The following NDST1 variants were observed in gnomAD, a reference collection of about 807,000 sequenced individuals.
NDST1 encodes the protein bifunctional heparan sulfate N-deacetylase/N-sulfotransferase 1.
NDST1 carries 35 observed loss-of-function variants against 92.8 expected under a neutral mutation model. The ratio of observed to expected loss-of-function variants is 0.38; its 90% confidence interval spans 0.29 to 0.50. NDST1 has a LOEUF of 0.50. Among genes scored for constraint, NDST1 ranks in the 20% least tolerant of loss-of-function variants. The pLI, the probability that NDST1 is intolerant of heterozygous loss-of-function variation, is 0.94. For missense variants in NDST1, 822 were observed against 1,182.7 expected (o/e 0.69, Z 4.47); for synonymous variants, 493 against 500.3 (o/e 0.99, Z 0.19).
intron 12 of NDST1, among the ~76,000 whole-genome samples, chr5:150,549,168 C>T (rs369378634): frequency 5.3e-5 from 8 of 152,168 alleles, no homozygotes; most frequent in Non-Finnish European, 7.3e-5. Flanking sequence ...TGCACCACCA[C>T]GCCCAGATAA....
chr5:150,523,808 G>A (rs1754349452), intron 2 of NDST1, among the ~76,000 whole-genome samples: 1 of 152,286 alleles, frequency 6.6e-6, no homozygotes, highest in African/African-American at 2.4e-5. Flanking sequence ...GGAGGGGTGC[G>A]GGCATGTTCA....
At position 150,553,163 on chromosome 5, in the gene NDST1, G is replaced by A. The variant is rs1464442235; in HGVS notation, c.2530-50G>A. ...GCCGAGCATGGCGATTTTTAGAGGAGGTCACTCTTAAGTCAGTACACAAGG... is the reference window on the plus strand; with the variant it reads ...GCCGAGCATGGCGATTTTTAGAGGAAGTCACTCTTAAGTCAGTACACAAGG... On this transcript the variant is annotated intron_variant, in intron 14 of 14. Coordinates refer to ENST00000261797, the MANE Select transcript of NDST1 (RefSeq NM_001543.5). This position sits in a 1 kb window ranked among gnomAD's most constrained non-coding sequence, Gnocchi z 4.2. The A allele has an allele frequency of 6.3e-7, 1 of 1,599,040 alleles. No homozygotes were observed. Among genetic ancestry groups the A allele is most frequent in the South Asian group, 1.1e-5 (1 of 90,600 alleles).
intron 1 of NDST1, among the ~76,000 whole-genome samples, chr5:150,500,605 C>G (rs1157412245): frequency 1.3e-5 from 2 of 152,204 alleles, no homozygotes; most frequent in Non-Finnish European, 2.9e-5. Flanking sequence ...CATTAGGGAA[C>G]AGGTCAGGAG....
intron 1 of NDST1, among the ~76,000 whole-genome samples, chr5:150,513,897 C>T (rs531332242): frequency 2.6e-5 from 4 of 152,368 alleles, no homozygotes; most frequent in Admixed American, 1.3e-4. Flanking sequence ...GCAGTGGCCA[C>T]GGTTACCGTG....
rs147738184 is a variant in NDST1, at chr5:150,524,117, C to G, written c.513+2350C>G. On this transcript the variant is annotated intron_variant, in intron 2 of 14. Coordinates refer to ENST00000261797, the MANE Select transcript of NDST1 (RefSeq NM_001543.5). Reference sequence around the variant, plus strand: ...GAGAGCAGGGACTTAAAAGTCCAGACAGGTTCAAATCTCTCTGTCATTTAG... The same window carrying G: ...GAGAGCAGGGACTTAAAAGTCCAGAGAGGTTCAAATCTCTCTGTCATTTAG... 4.4e-3 allele frequency among the ~76,000 whole-genome samples: 677 copies of G among 152,278 alleles called. 6 individuals carry two copies. Among genetic ancestry groups the G allele is most frequent in the African/African-American group, 0.015 (630 of 41,546 alleles).
chr5:150,545,976 A>G (rs1755460918), intron 11 of NDST1, among the ~76,000 whole-genome samples: 1 of 143,612 alleles, frequency 7.0e-6, no homozygotes, highest in African/African-American at 2.5e-5. Flanking sequence ...TGGGGCATGT[A>G]TGAACCAGAG....
rs1270664434 is a variant in NDST1 at position 150,550,468 on chromosome 5, CTG to C, written c.2426+682_2426+683del. 4 of 154,412 alleles carry C rather than the reference CTG, an allele frequency of 2.6e-5. No homozygotes were observed. The East Asian group carries it at 7.7e-4, about 30-fold the overall frequency. 9.6% of individuals were successfully genotyped at this position (154,412 alleles called of 1,614,324 possible). On this transcript the variant is annotated intron_variant, in intron 13 of 14. Transcript: ENST00000261797. ...GTTAATAACCGTACTCACTCAGAAC[CTG>C]GTGCAAGTGCGTTGAGAATGCCCTC...
upstream of NDST1, among the ~76,000 whole-genome samples, chr5:150,505,887 C>T (rs184879418): frequency 6.6e-6 from 1 of 152,100 alleles, no homozygotes; most frequent in African/African-American, 2.4e-5. Context: ...TTCCAGCAAT[C>T]CTCCTACCTC....
intron 2 of NDST1, among the ~76,000 whole-genome samples, chr5:150,526,253 G>A (rs1478760046): frequency 6.6e-6 from 1 of 152,168 alleles, no homozygotes; most frequent in African/African-American, 2.4e-5. Flanking sequence ...CCTCTGTGTA[G>A]CATGTGCCAC....
intron 12 of NDST1, 150 bp downstream of exon 12, chr5:150,548,538 A>G: frequency 1.2e-6 from 1 of 804,158 alleles, no homozygotes; most frequent in Non-Finnish European, 1.9e-6. Context: ...AGATTTTATT[A>G]TTATTATTAT....
intron 12 of NDST1, among the ~76,000 whole-genome samples, chr5:150,548,676 A>G (rs1288317067): frequency 6.6e-6 from 1 of 152,034 alleles, no homozygotes; most frequent in Non-Finnish European, 1.5e-5. Flanking sequence ...AGCTGGGACT[A>G]CAGGTGTGAG....
chr5:150,520,343 C>A (rs1332232390), intron 1 of NDST1, among the ~76,000 whole-genome samples: 1 of 25,578 alleles, frequency 3.9e-5, no homozygotes, highest in Non-Finnish European at 7.0e-5. Flanking sequence ...AATGAAAAGA[C>A]TGATGGAGAC....
rs1755825621 is a variant in NDST1 at position 150,554,332 on chromosome 5, G to A, written c.*1000G>A. 8.4e-6 allele frequency: 1 copy of A among 119,462 alleles called. No homozygotes were observed. The highest frequency in any genetic ancestry group is 4.4e-5 in the African/African-American group (1 of 22,872). The allele number at this position is 119,462 out of a possible 1,614,324, so 7.4% of individuals were successfully genotyped here. A position where few individuals can be genotyped will look rare whatever the true frequency, so the allele number is the denominator to read the frequency against. ...ATACCCTGGGTGCTGGGGTCGCACT[G>A]TGTTATATATATATATATATATATA... On this transcript the variant is annotated 3_prime_UTR_variant, in exon 15 of 15. Coordinates refer to ENST00000261797, the MANE Select transcript of NDST1 (RefSeq NM_001543.5).
intron 6 of NDST1, among the ~76,000 whole-genome samples, chr5:150,537,361 C>T (rs1480181118): frequency 5.3e-5 from 8 of 152,184 alleles, no homozygotes; most frequent in African/African-American, 1.2e-4. Flanking sequence ...GGAGAAATAT[C>T]GCTGAATTCT....
At chr5:150,503,446 C>CA (rs1753318090), upstream of NDST1, among the ~76,000 whole-genome samples, 1 of 152,048 alleles carries the variant, frequency 6.6e-6, no homozygotes, top group African/African-American at 2.4e-5. Flanking sequence ...AATTCTGTCT[C>CA]AAAAAAATAA....
chr5:150,533,420 C>T (rs1251716944), intron 4 of NDST1, among the ~76,000 whole-genome samples: 2 of 152,218 alleles, frequency 1.3e-5, no homozygotes, highest in African/African-American at 4.8e-5. Flanking sequence ...TGAAGATGCC[C>T]TGTAATTGTA....
At chr5:150,505,899 G>C (rs1478337102), upstream of NDST1, among the ~76,000 whole-genome samples, 2 of 152,096 alleles carry the variant, frequency 1.3e-5, no homozygotes, top group Non-Finnish European at 2.9e-5. Flanking sequence ...TCCTACCTCA[G>C]CCTCCTGAAT....
chr5:150,535,102 T>G, intron 5 of NDST1, 81 bp downstream of exon 5: 1 of 1,543,958 alleles, frequency 6.5e-7, no homozygotes, highest in Non-Finnish European at 8.8e-7. Flanking sequence ...TCTTGCTGCT[T>G]TTGCAGTCTG....
chr5:150,527,637 G>T (rs1313742375), intron 2 of NDST1, among the ~76,000 whole-genome samples, 167 bp from the exon 3 acceptor site: 1 of 152,328 alleles, frequency 6.6e-6, no homozygotes, highest in East Asian at 1.9e-4. Context: ...TCGTGTGTTT[G>T]TGAGTATATT....
Sources: gnomAD v4.1 joint callset for allele counts (sites outside exome capture counted in the v4.1 genomes callset) on GRCh38, gnomAD v4.1.1 for gene constraint, Gnocchi (gnomAD v3.1) non-coding constraint, MANE v1.5 for transcripts, NCBI Gene and HGNC (gene_info 2026-07-23, HGNC 2026-07-21) for gene names.